The following PIGS variants were observed in gnomAD, a reference collection of about 807,000 sequenced individuals.
PIGS encodes the protein GPI-anchor transamidase component PIGS.
In PIGS, 37 loss-of-function variants were observed where a neutral mutation model predicts 58.2. The observed-to-expected ratio is 0.64, with a 90% CI of 0.49 to 0.84. The LOEUF (loss-of-function observed/expected upper bound fraction) is 0.84. PIGS is among the 40% of genes least tolerant of loss of function. PIGS has a pLI of 0.00. For missense variants in PIGS, 629 were observed against 710.8 expected, an observed-to-expected ratio of 0.88 and a Z score of 1.31; for synonymous variants, 269 against 289.2, an observed-to-expected ratio of 0.93 and a Z score of 0.71.
Position 28,571,452 on chromosome 17 carries a change from G to T in PIGS, c.34+11C>A, listed in dbSNP as rs1454715131. The T allele has an allele frequency of 6.2e-7, 1 of 1,610,248 alleles. No homozygotes were observed. Among genetic ancestry groups the T allele is most frequent in the East Asian group, 2.2e-5 (1 of 44,746 alleles). ...GCTAGCTGCAGGCCCCCCACCCGAAGCCCACCGCACCTAGGTGTGTAGCCG... is the reference window on the plus strand; with the variant it reads ...GCTAGCTGCAGGCCCCCCACCCGAATCCCACCGCACCTAGGTGTGTAGCCG... On this transcript the variant is annotated intron_variant, in intron 1 of 11. Transcript: ENST00000308360.
In PIGS at chr17:28,556,418, G is replaced by A. The variant is rs193194868; in HGVS notation, c.1081-152C>T. Reference sequence around the variant, plus strand: ...CTAATATTTTTTGAGTACCTACTACGGAGAGCATTAAATACATTATCCCAA... The same window carrying A: ...CTAATATTTTTTGAGTACCTACTACAGAGAGCATTAAATACATTATCCCAA... On this transcript the variant is annotated intron_variant, in intron 9 of 11. Transcript: ENST00000308360. The A allele has an allele frequency of 7.2e-5, 52 of 719,122 alleles. No individual in the cohort carries two copies. In the Admixed American group the frequency reaches 7.7e-4, roughly 11 times the overall value. 44.5% of individuals were successfully genotyped at this position (719,122 alleles called of 1,614,324 possible).
chr17:28,561,777 T>C (rs988731540), intron 5 of PIGS, 148 bp from the exon 6 acceptor site: 1 of 711,264 alleles, frequency 1.4e-6, no homozygotes, highest in South Asian at 1.9e-5. Flanking sequence ...TAACTCAGCA[T>C]TTCTGAGCTA....
intron 3 of PIGS, among the ~76,000 whole-genome samples, chr17:28,566,508 C>G (rs1471283816): frequency 6.6e-6 from 1 of 151,264 alleles, no homozygotes; most frequent in African/African-American, 2.4e-5. Flanking sequence ...GCAGGCTGGT[C>G]TTGAACTCCT....
intron 10 of PIGS, 91 bp downstream of exon 10, chr17:28,556,075 T>C: frequency 8.1e-7 from 1 of 1,237,940 alleles, no homozygotes; most frequent in Non-Finnish European, 1.2e-6. Context: ...ACAGCCAAGA[T>C]ATCCCTGCCA....
At chr17:28,562,594 C>T (rs200819414) in intron 5 of PIGS, among the ~76,000 whole-genome samples, 7 of 151,846 alleles carry the variant, frequency 4.6e-5, no homozygotes, top group South Asian at 2.1e-4. Flanking sequence ...CCACCACGCC[C>T]GGCTAATTTT....
chr17:28,566,844 T>C (rs904218972), intron 3 of PIGS, among the ~76,000 whole-genome samples: 1 of 148,286 alleles, frequency 6.7e-6, no homozygotes, highest in South Asian at 2.1e-4. Flanking sequence ...TCCACCGCCT[T>C]GGCCTCCCAA....
Position 28,554,257 on chromosome 17 carries a change from G to A in PIGS, c.1631C>T (p.Thr544Ile), listed in dbSNP as rs763075402. ...CTCAGGCTTTCTCCAGGACTTGCGG[G>A]TCTCCAGGAAGATCTTGACCAGGGA... ...LLSLVKIFLE[T>I]RKSWRKPEKT... Residue 544 changes from threonine (T) to isoleucine (I), a missense_variant, in exon 12 of 12, where the codon ACC becomes ATC. Thr to Ile is a moderately conservative substitution (Grantham distance 89). Transcript: ENST00000308360. 4.3e-6 allele frequency: 7 copies of A among 1,614,182 alleles called. No homozygotes were observed. The highest frequency in any genetic ancestry group is 5.9e-6 in the Non-Finnish European group (7 of 1,180,000).
At chr17:28,557,593 G>A (rs893374453) in intron 8 of PIGS, 1 of 152,360 alleles carries the variant, frequency 6.6e-6, no homozygotes. Context: ...TTTGCTGAAT[G>A]AATAAATGAA....
chr17:28,555,211 G>T, intron 10 of PIGS, 150 bp from the exon 11 acceptor site: 1 of 700,210 alleles, frequency 1.4e-6, no homozygotes, highest in South Asian at 2.0e-5. Context: ...GGGTCTTGGG[G>T]GCATAAGGGG....
chr17:28,564,259 T>C (rs2151513714), intron 3 of PIGS, among the ~76,000 whole-genome samples: 1 of 152,340 alleles, frequency 6.6e-6, no homozygotes, highest in African/African-American at 2.4e-5. Flanking sequence ...ATTCAGTGAA[T>C]GTTCCTGATA....
At chr17:28,557,173 T>C (rs2070336005) in intron 8 of PIGS, 2 of 585,220 alleles carry the variant, frequency 3.4e-6, no homozygotes, top group East Asian at 3.2e-5. Flanking sequence ...GGAAACATAG[T>C]CCTTAGCTCC....
intron 10 of PIGS, chr17:28,555,297 C>T (rs1203141122): frequency 4.0e-6 from 2 of 503,424 alleles, no homozygotes; most frequent in East Asian, 7.2e-5. Context: ...ATTAGATTTC[C>T]AAGATCTTGT....
At position 28,554,923 on chromosome 17, in the gene PIGS, G is replaced by A. The variant is rs749863651; in HGVS notation, c.1320C>T (p.Thr440=). Residue 440 remains threonine (T), a synonymous_variant, in exon 11 of 12, where the codon ACC becomes ACT. Transcript: ENST00000308360. ...GAAGCTGCGCCAGGGAGGTAAGGGT[G>A]GTGGTGGCTGTGGCCAGGTTCTCCA... ...RSVENLATAT[T]TLTSLAQLLG... 1 of 1,614,056 alleles carries A rather than the reference G, an allele frequency of 6.2e-7. No homozygotes were observed. The highest frequency in any genetic ancestry group is 2.2e-5 in the East Asian group (1 of 44,880).
At chr17:28,554,748 C>T in intron 11 of PIGS, 103 bp downstream of exon 11, 1 of 1,464,178 alleles carries the variant, frequency 6.8e-7, no homozygotes. Context: ...GATGGCAAGC[C>T]CACACATACC....
At chr17:28,560,366 G>A (rs966123332) in intron 6 of PIGS, 175 bp from the exon 7 acceptor site, 15 of 704,042 alleles carry the variant, frequency 2.1e-5, no homozygotes, top group East Asian at 8.9e-5. Flanking sequence ...AAAAGCTGCC[G>A]GGCGCTGTGG....
At chr17:28,554,528 G>GT in intron 11 of PIGS, 33 bp from the exon 12 acceptor site, 1 of 1,603,022 alleles carries the variant, frequency 6.2e-7, no homozygotes, top group Non-Finnish European at 8.5e-7. Context: ...GGGTATACCA[G>GT]TAAGTCCTAG....
At position 28,554,255 on chromosome 17, in the gene PIGS, G is replaced by A. The variant is rs746392135; in HGVS notation, c.1633C>T (p.Arg545Cys). The A allele has an allele frequency of 3.0e-5, 48 of 1,614,002 alleles. No individual in the cohort carries two copies. Among genetic ancestry groups the A allele is most frequent in the East Asian group, 8.9e-5 (4 of 44,900 alleles). ...TTCTCAGGCTTTCTCCAGGACTTGCGGGTCTCCAGGAAGATCTTGACCAGG... is the reference window on the plus strand; with the variant it reads ...TTCTCAGGCTTTCTCCAGGACTTGCAGGTCTCCAGGAAGATCTTGACCAGG... ...LSLVKIFLET[R>C]KSWRKPEKTD Residue 545 changes from arginine to cysteine, a missense_variant, in exon 12 of 12, where the codon CGC (arginine) becomes TGC (cysteine). Physicochemically the swap from Arg to Cys is radical, Grantham distance 180. Coordinates refer to ENST00000308360, the MANE Select transcript of PIGS (RefSeq NM_033198.4).
In PIGS at chr17:28,555,043, A is replaced by G. The variant is rs1221934903; in HGVS notation, c.1200T>C (p.Ala400=). The G allele has an allele frequency of 6.8e-6, 11 of 1,612,712 alleles. No individual in the cohort carries two copies. The highest frequency in any genetic ancestry group is 8.5e-6 in the Non-Finnish European group (10 of 1,179,442). ...GGCATTTTGGAGGCAGCTGGGGCTG[A>G]GCAATCCCAAAGAGCAACCTGTAGG... ...LAQLRLLFGI[A]QPQLPPKCLL... The change falls in exon 11 of 12, where the codon GCT becomes GCC. Residue 400 remains alanine (A), a synonymous_variant. Coordinates refer to ENST00000308360, the MANE Select transcript of PIGS (RefSeq NM_033198.4).
In PIGS at chr17:28,555,000, T is replaced by G. The variant is rs1161576147; in HGVS notation, c.1243A>C (p.Ser415Arg). Residue 415 changes from serine (S) to arginine (R), a missense_variant, in exon 11 of 12, where the codon AGT becomes CGT. Physicochemically the swap from Ser to Arg is moderately radical, Grantham distance 110. Coordinates refer to ENST00000308360, the MANE Select transcript of PIGS (RefSeq NM_033198.4). ...PPKCLLSGPT[S>R]EGLMTWELDR... ...AGCTCCCAGGTCATTAGCCCTTCAC[T>G]CGTAGGCCCTGAAAGCAGGCATTTT... 1.2e-6 allele frequency: 2 copies of G among 1,610,688 alleles called. No individual in the cohort carries two copies. The highest frequency in any genetic ancestry group is 1.7e-6 in the Non-Finnish European group (2 of 1,178,248).
Sources: gnomAD v4.1 joint callset for allele counts (sites outside exome capture counted in the v4.1 genomes callset) on GRCh38, gnomAD v4.1.1 for gene constraint, MANE v1.5 for transcripts, NCBI Gene and HGNC (gene_info 2026-07-23, HGNC 2026-07-21) for gene names.